The following NOX4 variants were observed in gnomAD, a reference collection of about 807,000 sequenced individuals.
NOX4 encodes kidney oxidase-1.
A neutral mutation model predicts 87.6 loss-of-function variants in NOX4; 69 were observed. That is an observed-to-expected ratio of 0.79 (90% CI 0.65 to 0.96). NOX4 has a LOEUF of 0.96. Ranked by LOEUF, NOX4 falls within the 40% of genes least tolerant of loss-of-function variation. The pLI is 0.00. For missense variants in NOX4, 680 were observed against 681.5 expected (o/e 1.00, Z 0.02); for synonymous variants, 275 against 238.2 (o/e 1.15, Z -1.42).
chr11:89,543,423 T>G, the NOX4 span, among the ~76,000 whole-genome samples: 1 of 152,134 alleles, frequency 6.6e-6, no homozygotes, highest in Admixed American at 6.5e-5. Context: ...TTGATTATAT[T>G]TATCAGTTTT....
At chr11:89,432,885 A>G in intron 6 of NOX4, 29 bp from the exon 7 acceptor site, 1 of 1,479,844 alleles carries the variant, frequency 6.8e-7, no homozygotes, top group Non-Finnish European at 9.4e-7. Flanking sequence ...GTAGGTTTTT[A>G]CTTAAATCAT....
At chr11:89,366,221 T>G (rs1938972565) in intron 12 of NOX4, among the ~76,000 whole-genome samples, 1 of 152,012 alleles carries the variant, frequency 6.6e-6, no homozygotes, top group African/African-American at 2.4e-5. Context: ...TGTTACATAG[T>G]AAAATCAAGT....
the NOX4 span, among the ~76,000 whole-genome samples, chr11:89,522,601 C>A: frequency 2.0e-5 from 3 of 152,014 alleles, no homozygotes; most frequent in African/African-American, 4.8e-5. Flanking sequence ...ATACAATACA[C>A]CCTGATAACA....
chr11:89,583,913 A>G, the NOX4 span, among the ~76,000 whole-genome samples: 1 of 152,204 alleles, frequency 6.6e-6, no homozygotes, highest in Non-Finnish European at 1.5e-5. Flanking sequence ...TGCAACCAAT[A>G]AAAGATAGGT....
the NOX4 span, among the ~76,000 whole-genome samples, chr11:89,573,167 T>C: frequency 5.3e-5 from 8 of 152,220 alleles, no homozygotes; most frequent in African/African-American, 1.9e-4. Flanking sequence ...CAATATATTA[T>C]TATTTTTTGC....
At chr11:89,561,668 C>T in the NOX4 span, among the ~76,000 whole-genome samples, 5 of 151,680 alleles carry the variant, frequency 3.3e-5, no homozygotes, top group Admixed American at 3.3e-4. Context: ...ATCACCTAGG[C>T]ATCTACACTG....
chr11:89,358,105 C>G (rs1178937682), intron 12 of NOX4, among the ~76,000 whole-genome samples: 4 of 152,020 alleles, frequency 2.6e-5, no homozygotes, highest in Non-Finnish European at 4.4e-5. Context: ...GGTTCATAGG[C>G]AGGGCATGGT....
chr11:89,509,260 C>G, the NOX4 span, among the ~76,000 whole-genome samples: 1 of 144,620 alleles, frequency 6.9e-6, no homozygotes, highest in Admixed American at 7.0e-5. Context: ...AATAGTGTCT[C>G]TTAGACATTA....
chr11:89,337,346 T>C (rs1414959025), intron 16 of NOX4, 101 bp downstream of exon 16: 2 of 1,554,680 alleles, frequency 1.3e-6, no homozygotes, highest in Non-Finnish European at 1.7e-6. Flanking sequence ...TCTAGGAAAC[T>C]TCTGTTCGAA....
chr11:89,499,997 T>C (rs1330205552), upstream of NOX4, among the ~76,000 whole-genome samples: 11 of 152,302 alleles, frequency 7.2e-5, no homozygotes, highest in East Asian at 2.1e-3. Context: ...ATGTAACATC[T>C]GTACTTCAGA....
At chr11:89,586,147 T>C in the NOX4 span, among the ~76,000 whole-genome samples, 1 of 151,970 alleles carries the variant, frequency 6.6e-6, no homozygotes, top group African/African-American at 2.4e-5. Context: ...CCAGTTATTC[T>C]CATTCCTTTA....
At position 89,434,774 on chromosome 11, in the gene NOX4, A is replaced by AT. The variant is rs1411939245; in HGVS notation, c.476-1919dup. ...TCTGTACCTGGAAAATTAATCAGCA[A>AT]TAAAAAAAAAATAAAGTGTTGATAG... On this transcript the variant is annotated intron_variant, in intron 6 of 17. Coordinates refer to ENST00000263317, the MANE Select transcript of NOX4 (RefSeq NM_016931.5). 4.7e-5 allele frequency among the ~76,000 whole-genome samples: 7 copies of AT among 149,582 alleles called. No homozygotes were observed. The East Asian group carries it at 1.4e-3, about 30-fold the overall frequency.
At chr11:89,364,325 TTTGCC>T (rs1292101469) in intron 12 of NOX4, among the ~76,000 whole-genome samples, 4 of 152,052 alleles carry the variant, frequency 2.6e-5, no homozygotes, top group Non-Finnish European at 5.9e-5. Context: ...CACATATATA[TTTGCC>T]TATATATATT....
At chr11:89,547,571 G>T in the NOX4 span, among the ~76,000 whole-genome samples, 2 of 152,118 alleles carry the variant, frequency 1.3e-5, no homozygotes, top group Non-Finnish European at 2.9e-5. Flanking sequence ...TAAATCTACT[G>T]AATTTAATCT....
At chr11:89,438,763 TATAATATA>T (rs1328342022) in intron 6 of NOX4, among the ~76,000 whole-genome samples, 71 of 72,422 alleles carry the variant, frequency 9.8e-4, no homozygotes, top group African/African-American at 1.2e-3. Flanking sequence ...TATAATATAA[TATAATATA>T]ATAATATAAT....
rs1001026325 is a variant in NOX4, at chr11:89,332,727, G to T, written c.1616+3118C>A. On this transcript the variant is annotated intron_variant, in intron 17 of 17. Transcript: ENST00000263317. ...ACTATGCCCTGCTGTAAAGCACAAT[G>T]AACTTGCAGTCAGGAGACTTGTGTT... 1.5e-4 allele frequency among the ~76,000 whole-genome samples: 23 copies of T among 151,764 alleles called. 1 individual carries two copies. Among genetic ancestry groups the T allele is most frequent in the Non-Finnish European group, 5.9e-5 (4 of 67,818 alleles).
intron 11 of NOX4, among the ~76,000 whole-genome samples, chr11:89,382,975 C>A: frequency 6.6e-6 from 1 of 152,098 alleles, no homozygotes; most frequent in East Asian, 1.9e-4. Flanking sequence ...GCCCTAGACC[C>A]AGAGGGGCCA....
At chr11:89,579,085 T>C in the NOX4 span, among the ~76,000 whole-genome samples, 1 of 152,192 alleles carries the variant, frequency 6.6e-6, no homozygotes, top group African/African-American at 2.4e-5. Context: ...TACAACTGTA[T>C]GACATTCTGG....
chr11:89,531,053 C>A, the NOX4 span, among the ~76,000 whole-genome samples: 11 of 152,116 alleles, frequency 7.2e-5, no homozygotes, highest in Non-Finnish European at 1.0e-4. Context: ...AATTTGCTGT[C>A]CTGTTTTGCT....
Sources: gnomAD v4.1 joint callset for allele counts (sites outside exome capture counted in the v4.1 genomes callset) on GRCh38, gnomAD v4.1.1 for gene constraint, MANE v1.5 for transcripts, NCBI Gene and HGNC (gene_info 2026-07-23, HGNC 2026-07-21) for gene names.